The following PLAC1 variants were observed in gnomAD, a reference collection of about 807,000 sequenced individuals.
PLAC1 encodes the protein placenta-specific protein 1.
For missense variants in PLAC1, 136 were observed against 163.2 expected (o/e 0.83, Z 0.91); for synonymous variants, 68 against 62.1 (o/e 1.09, Z -0.44).
chrX:134,598,747 A>G (rs1284599800), intron 2 of PLAC1, among the ~76,000 whole-genome samples: 2 of 111,706 alleles, frequency 1.8e-5, no homozygotes. Context: ...GGACTTGTTA[A>G]CAGACTGTTT....
intron 2 of PLAC1, among the ~76,000 whole-genome samples, chrX:134,663,477 T>C (rs1432746010): frequency 8.9e-6 from 1 of 112,860 alleles, no homozygotes; most frequent in Admixed American, 9.3e-5. Flanking sequence ...TGTGCACACG[T>C]GCAGATTGTT....
rs771590220 is a variant in PLAC1, at chrX:134,724,858, G to T, written n.174+8577C>A. Among the ~76,000 whole-genome samples the T allele has an allele frequency of 3.6e-5, 4 of 111,147 alleles. No individual in the cohort carries two copies. The East Asian group carries it at 8.6e-4, about 24-fold the overall frequency. On this transcript the variant is annotated intron_variant and non_coding_transcript_variant, in intron 2 of 2. Transcript: ENST00000466797. Reference sequence around the variant, plus strand: ...TCTCTACAAAAAAATACAAAAATTAGCTGGGCATGGTGGAGTGCACCTGTA... The same window carrying T: ...TCTCTACAAAAAAATACAAAAATTATCTGGGCATGGTGGAGTGCACCTGTA...
intron 2 of PLAC1, among the ~76,000 whole-genome samples, chrX:134,575,693 C>T (rs745937388): frequency 9.4e-6 from 1 of 106,071 alleles, no homozygotes; most frequent in African/African-American, 3.5e-5. Context: ...TGCTTGAACC[C>T]AGGAGGCAGA....
intron 2 of PLAC1, among the ~76,000 whole-genome samples, chrX:134,664,206 T>C (rs1465453287): frequency 8.9e-6 from 1 of 111,960 alleles, no homozygotes; most frequent in Non-Finnish European, 1.9e-5. Context: ...CAGAGTTTCT[T>C]TCACTAGGTC....
upstream of PLAC1, among the ~76,000 whole-genome samples, chrX:134,663,432 ATGTG>A (rs10668252): frequency 9.2e-6 from 1 of 108,438 alleles, no homozygotes; most frequent in African/African-American, 3.4e-5. Context: ...AAATAAAGAT[ATGTG>A]TGTGTGTGTG....
intron 1 of PLAC1, among the ~76,000 whole-genome samples, chrX:134,734,097 C>T (rs1000216313): frequency 8.9e-6 from 1 of 112,301 alleles, no homozygotes; most frequent in Non-Finnish European, 1.9e-5. Flanking sequence ...ACAAGGAGGT[C>T]TGTGCCTAGC....
intron 2 of PLAC1, among the ~76,000 whole-genome samples, chrX:134,586,670 CTTTTTTT>C (rs765675891): frequency 3.3e-5 from 3 of 91,082 alleles, no homozygotes; most frequent in East Asian, 3.3e-4. Context: ...TTTTTCTTTT[CTTTTTTT>C]TTTTTTTTTT....
intron 1 of PLAC1, among the ~76,000 whole-genome samples, chrX:134,616,143 C>G (rs1330100888): frequency 9.1e-6 from 1 of 110,343 alleles, no homozygotes; most frequent in Non-Finnish European, 1.9e-5. Context: ...CCATGCCCAG[C>G]TAATTAAAAA....
At chrX:134,720,572 A>G (rs73568709) in intron 2 of PLAC1, among the ~76,000 whole-genome samples, 2,934 of 111,742 alleles carry the variant, frequency 0.026, 79 homozygotes, top group African/African-American at 0.088. Flanking sequence ...AGAAGAAAAC[A>G]TAAGTGTAAA....
intron 1 of PLAC1, among the ~76,000 whole-genome samples, chrX:134,603,516 A>G: frequency 9.9e-6 from 1 of 100,534 alleles, no homozygotes; most frequent in Admixed American, 1.1e-4. Context: ...TTGTATTTTT[A>G]GTAGAGATGG....
chrX:134,728,376 AT>A (rs1221458078), intron 2 of PLAC1, among the ~76,000 whole-genome samples: 4 of 112,136 alleles, frequency 3.6e-5, no homozygotes, highest in Non-Finnish European at 7.5e-5. Context: ...GGCAAAGAGA[AT>A]CTCATAAGCA....
chrX:134,660,768 G>T (rs767503588), upstream of PLAC1, among the ~76,000 whole-genome samples: 231 of 111,802 alleles, frequency 2.1e-3, no homozygotes, highest in Non-Finnish European at 3.2e-3. Flanking sequence ...GATATTTTCT[G>T]GAGTTGTGGG....
chrX:134,718,508 G>A (rs1178856032), intron 2 of PLAC1, among the ~76,000 whole-genome samples: 1 of 112,325 alleles, frequency 8.9e-6, no homozygotes, highest in Admixed American at 9.4e-5. Flanking sequence ...ATTTGGACAG[G>A]ATAACTTAGG....
At chrX:134,751,873 C>T (rs1362633282) in intron 1 of PLAC1, among the ~76,000 whole-genome samples, 1 of 112,327 alleles carries the variant, frequency 8.9e-6, no homozygotes, top group Non-Finnish European at 1.9e-5. Flanking sequence ...GTCAATTTCT[C>T]ACTTCCATGA....
chrX:134,676,329 G>A (rs778031658), intron 2 of PLAC1, among the ~76,000 whole-genome samples: 140 of 111,200 alleles, frequency 1.3e-3, no homozygotes, highest in Non-Finnish European at 1.6e-3. Flanking sequence ...TTTTGTGACC[G>A]GAGCAGATAA....
chrX:134,739,076 T>C lies in PLAC1; in HGVS notation n.90-5557A>G, dbSNP rs190759577. 4.5e-5 allele frequency among the ~76,000 whole-genome samples: 5 copies of C among 112,351 alleles called. No homozygotes were observed. The East Asian group carries it at 1.4e-3, about 31-fold the overall frequency. On this transcript the variant is annotated intron_variant and non_coding_transcript_variant, in intron 1 of 2. Coordinates refer to the PLAC1 transcript ENST00000466797. Reference sequence around the variant, plus strand: ...TATAACTCCTTATCGACAAGAGATGTTTCATATCGTGCTGTTAAAGACAAA... The same window carrying C: ...TATAACTCCTTATCGACAAGAGATGCTTCATATCGTGCTGTTAAAGACAAA...
intron 1 of PLAC1, among the ~76,000 whole-genome samples, chrX:134,603,313 A>ATT (rs1319536202): frequency 1.3e-4 from 1 of 7,667 alleles, no homozygotes; most frequent in Non-Finnish European, 2.0e-4. Flanking sequence ...ATATATATAT[A>ATT]TTTTTTTTTT....
intron 2 of PLAC1, among the ~76,000 whole-genome samples, chrX:134,585,127 C>T (rs191405819): frequency 6.6e-5 from 6 of 90,993 alleles, no homozygotes; most frequent in Non-Finnish European, 1.0e-4. Flanking sequence ...GTCAGGAGAT[C>T]GAGACCATCC....
rs1465742125 is a variant in PLAC1 at position 134,750,800 on chromosome X, T to TA, written n.89+13433dup. On this transcript the variant is annotated intron_variant and non_coding_transcript_variant, in intron 1 of 2. Coordinates refer to the PLAC1 transcript ENST00000466797. ...GGTGAAACCCTGTCTCTAATAAAAA[T>TA]ACAAAAAAAAAAATATATATATATA... Among the ~76,000 whole-genome samples, 2 of 3,253 alleles carry TA rather than the reference T, an allele frequency of 6.1e-4. 1 individual carries two copies. The highest frequency in any genetic ancestry group is 1.2e-3 in the Non-Finnish European group (2 of 1,623). 2.8% of individuals were successfully genotyped at this position (3,253 alleles called of 115,157 possible). A position where few individuals can be genotyped will look rare whatever the true frequency, so the allele number is the denominator to read the frequency against.
Sources: allele counts gnomAD v4.1 joint callset (sites outside exome capture counted in the v4.1 genomes callset), GRCh38; gene constraint gnomAD v4.1.1; transcripts MANE v1.5; gene names NCBI Gene and HGNC (gene_info 2026-07-23, HGNC 2026-07-21).